The following LARGE1 variants were observed in gnomAD, a reference collection of about 807,000 sequenced individuals.
LARGE1 encodes the protein LARGE xylosyl- and glucuronyltransferase 1, also known as xylosyl- and glucuronyltransferase LARGE1.
LARGE1 carries 43 observed loss-of-function variants against 87.6 expected under a neutral mutation model. That is an observed-to-expected ratio of 0.49 (90% CI 0.38 to 0.63). LARGE1 has a LOEUF of 0.63. Among genes scored for constraint, LARGE1 ranks in the 30% least tolerant of loss-of-function variants. LARGE1 has a pLI of 0.00. For synonymous variants in LARGE1, 434 were observed against 394.6 expected (o/e 1.10, Z -1.18); for missense variants, 802 against 1,000.2 (o/e 0.80, Z 2.67).
chr22:33,383,855 C>T (rs1033886180), intron 8 of LARGE1, among the ~76,000 whole-genome samples: 20 of 152,142 alleles, frequency 1.3e-4, no homozygotes, highest in African/African-American at 4.3e-4. Context: ...AAGAGGGCAC[C>T]GACATCTACT....
chr22:33,585,711 C>G (rs2078651950), intron 5 of LARGE1, among the ~76,000 whole-genome samples: 1 of 152,146 alleles, frequency 6.6e-6, no homozygotes, highest in Non-Finnish European at 1.5e-5. Context: ...AGGCACTTTA[C>G]TCAGGTTATA....
chr22:33,884,632 G>C (rs141270096), intron 1 of LARGE1, among the ~76,000 whole-genome samples: 1 of 152,224 alleles, frequency 6.6e-6, no homozygotes, highest in Non-Finnish European at 1.5e-5. Context: ...CCAGATTCTC[G>C]AGGTCACGGC....
chr22:33,908,095 G>A (rs1023471623), intron 1 of LARGE1, among the ~76,000 whole-genome samples: 1 of 152,146 alleles, frequency 6.6e-6, no homozygotes, highest in Non-Finnish European at 1.5e-5. Context: ...CACCACTGCA[G>A]CACAGTATGA....
At chr22:33,552,621 C>T (rs1230409361) in intron 6 of LARGE1, among the ~76,000 whole-genome samples, 1 of 152,126 alleles carries the variant, frequency 6.6e-6, no homozygotes, top group African/African-American at 2.4e-5. Flanking sequence ...CTCCTTCTCC[C>T]CTGTACAACT....
intron 1 of LARGE1, among the ~76,000 whole-genome samples, chr22:33,841,156 A>G (rs184968512): frequency 1.6e-4 from 24 of 152,318 alleles, no homozygotes; most frequent in Middle Eastern, 3.4e-3. Context: ...TTTGAACTTG[A>G]TATTTTCAAC....
chr22:33,410,227 T>C (rs976481053), intron 7 of LARGE1, among the ~76,000 whole-genome samples: 6 of 152,182 alleles, frequency 3.9e-5, no homozygotes, highest in East Asian at 3.9e-4. Flanking sequence ...GTAAATTTAG[T>C]AGACAGCACG....
Position 33,564,945 on chromosome 22 carries a change from A to C in LARGE1, c.690T>G (p.Thr230=). The change falls in exon 6 of 15, where the codon ACT becomes ACG. Residue 230 remains threonine, a synonymous_variant. Coordinates refer to ENST00000397394, the MANE Select transcript of LARGE1 (RefSeq NM_133642.5). ...YGLMKLVLTK[T]LPANLERVIV... is the part of the protein sequence containing the mutation. ...TGACTCTCTCCAGGTTGGCAGGAAG[A>C]GTCTTGGTCAGGACAAGCTTCATCA... The C allele has an allele frequency of 6.2e-7, 1 of 1,614,186 alleles. No individual in the cohort carries two copies. Among genetic ancestry groups the C allele is most frequent in the Non-Finnish European group, 8.5e-7 (1 of 1,180,008 alleles).
chr22:33,622,997 T>A (rs1412470331), intron 4 of LARGE1, among the ~76,000 whole-genome samples: 2 of 152,202 alleles, frequency 1.3e-5, no homozygotes, highest in Admixed American at 1.3e-4. Context: ...TATTAGATTA[T>A]CTGATTTGCA....
At chr22:33,403,403 T>G (rs1384394738) in intron 7 of LARGE1, among the ~76,000 whole-genome samples, 1 of 152,174 alleles carries the variant, frequency 6.6e-6, no homozygotes, top group Non-Finnish European at 1.5e-5. Context: ...AAGGACTAAG[T>G]TGATTTCAAA....
intron 6 of LARGE1, among the ~76,000 whole-genome samples, chr22:33,529,186 T>G (rs2072070371): frequency 6.6e-6 from 1 of 152,244 alleles, no homozygotes; most frequent in Non-Finnish European, 1.5e-5. Context: ...TGCTTTTTTT[T>G]CAGGAGTAGA....
chr22:33,907,033 G>T (rs554852122), intron 1 of LARGE1, among the ~76,000 whole-genome samples: 1 of 152,178 alleles, frequency 6.6e-6, no homozygotes, highest in South Asian at 2.1e-4. Context: ...CTAAGACCCA[G>T]AACAAGCACC....
chr22:33,091,559 CAAATAAATAAAT>C, the LARGE1 span, among the ~76,000 whole-genome samples: 723 of 140,582 alleles, frequency 5.1e-3, 8 homozygotes, highest in African/African-American at 0.018. Context: ...GACTCCATCT[CAAATAAATAAAT>C]AAATAAATAA....
intron 1 of LARGE1, among the ~76,000 whole-genome samples, chr22:33,915,440 T>C (rs940182544): frequency 6.6e-6 from 1 of 152,180 alleles, no homozygotes; most frequent in African/African-American, 2.4e-5. Context: ...GTTTTTTTTT[T>C]CATATTATAT....
chr22:33,910,399 G>A (rs886902301), intron 1 of LARGE1, among the ~76,000 whole-genome samples: 11 of 152,104 alleles, frequency 7.2e-5, no homozygotes, highest in Non-Finnish European at 1.6e-4. Context: ...CCTTTGATTT[G>A]GTTTGCTGTT....
chr22:33,200,601 C>T (rs1204168725), intron 11 of LARGE1, among the ~76,000 whole-genome samples: 1 of 152,166 alleles, frequency 6.6e-6, no homozygotes, highest in Non-Finnish European at 1.5e-5. Context: ...AATGTTCATC[C>T]ACTGATGAAT....
chr22:33,127,137 C>G, the LARGE1 span, among the ~76,000 whole-genome samples: 1 of 152,182 alleles, frequency 6.6e-6, no homozygotes, highest in Non-Finnish European at 1.5e-5. Flanking sequence ...TTTTTCCCAT[C>G]ATGTGGTTGC....
intron 1 of LARGE1, among the ~76,000 whole-genome samples, chr22:33,808,862 C>G (rs756120501): frequency 1.6e-4 from 25 of 152,212 alleles, no homozygotes; most frequent in Non-Finnish European, 3.4e-4. Flanking sequence ...GGCACAAGCT[C>G]TTAACACTGT....
chr22:33,697,564 A>AAAAAAAAAAAAAG (rs2082288569), intron 2 of LARGE1, among the ~76,000 whole-genome samples: 1 of 151,178 alleles, frequency 6.6e-6, no homozygotes, highest in African/African-American at 2.4e-5. Flanking sequence ...AAAAAAAAAA[A>AAAAAAAAAAAAAG]AAAAAAGGAA....
intron 1 of LARGE1, among the ~76,000 whole-genome samples, chr22:33,868,222 T>C (rs1440517696): frequency 3.3e-5 from 5 of 152,166 alleles, no homozygotes; most frequent in Admixed American, 2.6e-4. Context: ...AACAGCACCC[T>C]GTAATCCATG....
Sources: allele counts gnomAD v4.1 joint callset (sites outside exome capture counted in the v4.1 genomes callset), GRCh38; gene constraint gnomAD v4.1.1; transcripts MANE v1.5; gene names NCBI Gene and HGNC (gene_info 2026-07-23, HGNC 2026-07-21).